Variants in ATXN7L2 observed in about 807,000 individuals in gnomAD.
ATXN7L2 encodes the protein ataxin-7-like protein 2.
ATXN7L2 carries 17 observed loss-of-function variants against 59.6 expected under a neutral mutation model. The ratio of observed to expected loss-of-function variants is 0.29; its 90% CI spans 0.20 to 0.43. The LOEUF (loss-of-function observed/expected upper bound fraction) is 0.43. Among genes scored for constraint, ATXN7L2 ranks in the 20% least tolerant of loss-of-function variants. The probability of loss-of-function intolerance (pLI) is 1.00; values close to 1 mark genes in which losing one functional copy is unlikely to be tolerated. For missense variants in ATXN7L2, 858 were observed against 1,008.9 expected, an observed-to-expected ratio of 0.85 and a Z score of 2.03; for synonymous variants, 378 against 392.5, an observed-to-expected ratio of 0.96 and a Z score of 0.44.
intron 1 of ATXN7L2, among the ~76,000 whole-genome samples, 200 bp downstream of exon 1, chr1:109,484,280 C>G (rs543141158): frequency 1.7e-4 from 26 of 152,174 alleles, no homozygotes; most frequent in Non-Finnish European, 3.7e-4. Context: ...GCTCACCGCT[C>G]GCAGCCCACC....
chr1:109,488,396 C>T lies in ATXN7L2; in HGVS notation c.810C>T (p.Asp270=), dbSNP rs761132662. The part of the protein sequence containing the change: ...THRKMARKEC[D]LNRQCGVINP... ...CTTTCCCCACAGGGAAGGAGTGCGA[C>T]CTCAACAGGCAGTGTGGGGTAATAA... The change falls in exon 6 of 11, where the codon GAC becomes GAT. Residue 270 remains aspartate (D), a synonymous_variant. Transcript: ENST00000683729. This position sits in a 1 kb window ranked among gnomAD's most constrained non-coding sequence, Gnocchi z 5.0. 2.5e-6 allele frequency: 4 copies of T among 1,600,530 alleles called. No homozygotes were observed. In the Admixed American group the frequency reaches 6.8e-5, roughly 27 times the overall value.
intron 9 of ATXN7L2, 71 bp downstream of exon 9, chr1:109,490,463 A>T: frequency 1.3e-6 from 2 of 1,567,130 alleles, no homozygotes; most frequent in East Asian, 2.2e-5. Context: ...CTTGGGCTTC[A>T]GAAGCCCTGA....
At position 109,486,782 on chromosome 1, in the gene ATXN7L2, A is replaced by T. The variant is rs1190692372; in HGVS notation, c.298+172A>T. Among the ~76,000 whole-genome samples, 2 of 152,180 alleles carry T rather than the reference A, an allele frequency of 1.3e-5. No individual in the cohort carries two copies. Among genetic ancestry groups the T allele is most frequent in the Non-Finnish European group, 2.9e-5 (2 of 68,042 alleles). On this transcript the variant is annotated intron_variant, in intron 3 of 10. Transcript: ENST00000683729. The surrounding 1 kb of genome is among the most constrained non-coding windows in gnomAD (Gnocchi z 4.3). Reference sequence around the variant, plus strand: ...GGGGAGTCGGGTTATTGTTTGAACAAAATTCTAGCATCCAGTGGAATTACG... The same window carrying T: ...GGGGAGTCGGGTTATTGTTTGAACATAATTCTAGCATCCAGTGGAATTACG...
chr1:109,485,282 TG>T, intron 1 of ATXN7L2: 1 of 883,684 alleles, frequency 1.1e-6, no homozygotes, highest in Non-Finnish European at 1.3e-6. Context: ...GGTAGGGGGA[TG>T]GGGAAAAAGC....
Position 109,483,905 on chromosome 1 carries a change from G to A in ATXN7L2, c.-49G>A, listed in dbSNP as rs1656364189. On this transcript the variant is annotated 5_prime_UTR_variant, in exon 1 of 11. Transcript: ENST00000683729. The stretch of plus-strand genomic sequence containing the variant: ...CGTGCCCGCGACGGGGCGAGGGGGA[G>A]GGGGCCGCGCGGCGGCGGCGCCAGG... The A allele has an allele frequency of 8.7e-7, 1 of 1,155,138 alleles. No homozygotes were observed. The highest frequency in any genetic ancestry group is 1.1e-6 in the Non-Finnish European group (1 of 938,720). The allele number at this position is 1,155,138 out of a possible 1,614,324, so 71.6% of individuals were successfully genotyped here. A position where few individuals can be genotyped will look rare whatever the true frequency, so the allele number is the denominator to read the frequency against.
chr1:109,492,762 T>A, downstream of ATXN7L2: 1 of 812,726 alleles, frequency 1.2e-6, no homozygotes, highest in Non-Finnish European at 1.9e-6. Flanking sequence ...GTTGCTGCTA[T>A]GAAAATATAA....
chr1:109,490,962 A>C lies in ATXN7L2; in HGVS notation c.1495A>C (p.Asn499His). 6.3e-7 allele frequency: 1 copy of C among 1,582,048 alleles called. No individual in the cohort carries two copies. Among genetic ancestry groups the C allele is most frequent in the African/African-American group, 1.4e-5 (1 of 73,816 alleles). ...AGCTGAACCTCCAGCTCACCTTGTC[A>C]ACTCCCCGTTATCTGCTCCCCTGAG... ...PAAEPPAHLV[N>H]SPLSAPLSPS... The change falls in exon 10 of 11, where the codon AAC becomes CAC. Residue 499 changes from asparagine to histidine, a missense_variant. Asn to His is a moderately conservative substitution (Grantham distance 68). Transcript: ENST00000683729.
At position 109,488,415 on chromosome 1, in the gene ATXN7L2, G is replaced by A. The variant is rs765299259; in HGVS notation, c.829G>A (p.Val277Ile). 2 of 1,604,548 alleles carry A rather than the reference G, an allele frequency of 1.2e-6. No individual in the cohort carries two copies. The highest frequency in any genetic ancestry group is 1.7e-6 in the Non-Finnish European group (2 of 1,173,770). Reference protein sequence around the residue: ...KECDLNRQCGVINPETKKICT... With the variant: ...KECDLNRQCGIINPETKKICT... ...GTGCGACCTCAACAGGCAGTGTGGG[G>A]TAATAAATCCAGAGACCAAAAAGAT... The change falls in exon 6 of 11, where the codon GTA becomes ATA. Residue 277 changes from valine to isoleucine, a missense_variant. Val to Ile is a conservative substitution (Grantham distance 29). Around this residue, in one of 3 missense-constraint regions of ATXN7L2, gnomAD observed 734 missense variants for 862.3 expected, o/e 0.85. Transcript: ENST00000683729. This position sits in a 1 kb window ranked among gnomAD's most constrained non-coding sequence, Gnocchi z 5.0.
chr1:109,492,282 G>T (rs751482252), intron 10 of ATXN7L2, among the ~76,000 whole-genome samples: 1 of 152,188 alleles, frequency 6.6e-6, no homozygotes, highest in Non-Finnish European at 1.5e-5. Flanking sequence ...TCTGGTGGGA[G>T]CCCTGGTGTA....
chr1:109,487,499 C>T lies in ATXN7L2; in HGVS notation c.510-19C>T. ...CCTCCCCTCCCCTCCCTCAGCCAAC[C>T]CCCTCTCTCTGTGTGTAGCCTTTTC... On this transcript the variant is annotated intron_variant, in intron 4 of 10. Transcript: ENST00000683729. The T allele has an allele frequency of 1.3e-6, 2 of 1,482,962 alleles. No individual in the cohort carries two copies. Among genetic ancestry groups the T allele is most frequent in the South Asian group, 2.9e-5 (2 of 69,414 alleles). The allele number at this position is 1,482,962 out of a possible 1,614,324, so 91.9% of individuals were successfully genotyped here.
chr1:109,487,543 GAGA>G lies in ATXN7L2; in HGVS notation c.539_541del (p.Lys180del), dbSNP rs1571082522. 6.6e-7 allele frequency: 1 copy of G among 1,507,564 alleles called. No individual in the cohort carries two copies. The highest frequency in any genetic ancestry group is 8.8e-7 in the Non-Finnish European group (1 of 1,130,026). 93.4% of individuals were successfully genotyped at this position (1,507,564 alleles called of 1,614,324 possible). On this transcript the variant is annotated inframe_deletion, in exon 5 of 11. Transcript: ENST00000683729. ...CCTTTTCGTGCCTGTGGTGAATCTG[GAGA>G]AGATGTCCAGTCTCCCGAAGCCTGA...
Position 109,491,298 on chromosome 1 carries a change from A to G in ATXN7L2, c.1831A>G (p.Thr611Ala), listed in dbSNP as rs1557873965. The G allele has an allele frequency of 1.9e-6, 3 of 1,614,124 alleles. No homozygotes were observed. The highest frequency in any genetic ancestry group is 1.7e-5 in the Admixed American group (1 of 60,016). Reference sequence around the variant, plus strand: ...AAAGCGGAAGTTATCCCCTGGCCCTACCACTCTTAAACGGACCTGCATCCT... The same window carrying G: ...AAAGCGGAAGTTATCCCCTGGCCCTGCCACTCTTAAACGGACCTGCATCCT... ...SRKRKLSPGP[T>A]TLKRTCILEP... The change falls in exon 10 of 11, where the codon ACC becomes GCC. Residue 611 changes from threonine to alanine, a missense_variant. Thr to Ala is a moderately conservative substitution (Grantham distance 58, BLOSUM62 0). Around this residue, in one of 3 missense-constraint regions of ATXN7L2, gnomAD observed 734 missense variants for 862.3 expected, o/e 0.85. Transcript: ENST00000683729. This position sits in a 1 kb window ranked among gnomAD's most constrained non-coding sequence, Gnocchi z 4.1.
chr1:109,492,143 C>A, intron 10 of ATXN7L2: 2 of 1,047,592 alleles, frequency 1.9e-6, no homozygotes, highest in Non-Finnish European at 2.3e-6. Flanking sequence ...CTCTGGGCAT[C>A]AGGGCCTTGA....
chr1:109,486,108 C>T lies in ATXN7L2; in HGVS notation c.179C>T (p.Thr60Ile). 6.3e-7 allele frequency: 1 copy of T among 1,598,264 alleles called. No homozygotes were observed. The highest frequency in any genetic ancestry group is 8.5e-7 in the Non-Finnish European group (1 of 1,173,914). The stretch of plus-strand genomic sequence containing the variant: ...AACACGAAGAAGTTGGATGCCATGA[C>T]CCTCATTAAAGAAGGTGGGAGTCGA... ...SKNTKKLDAM[T>I]LIKEDMSIFG... is the part of the protein sequence containing the mutation. Residue 60 changes from threonine to isoleucine, a missense_variant, in exon 2 of 11, where the codon ACC (threonine) becomes ATC (isoleucine). Thr to Ile is a moderately conservative substitution (Grantham distance 89). This residue lies in a region of ATXN7L2 where 29 missense variants were observed against 64.0 expected (regional missense o/e 0.45). Coordinates refer to ENST00000683729, the MANE Select transcript of ATXN7L2 (RefSeq NM_001350175.2). The surrounding 1 kb of genome is among the most constrained non-coding windows in gnomAD (Gnocchi z 4.3).
Position 109,491,030 on chromosome 1 carries a change from C to T in ATXN7L2, c.1563C>T (p.Thr521=), listed in dbSNP as rs139880868. The change falls in exon 10 of 11, where the codon ACC becomes ACT. Residue 521 remains threonine, a synonymous_variant. Coordinates refer to ENST00000683729, the MANE Select transcript of ATXN7L2 (RefSeq NM_001350175.2). This position sits in a 1 kb window ranked among gnomAD's most constrained non-coding sequence, Gnocchi z 4.1. Reference sequence around the variant, plus strand: ...CCTGCCCCCGCCTTCCAGGTCCAACCCTGAGACCTGCCTGCCCAGCCTCCA... The same window carrying T: ...CCTGCCCCCGCCTTCCAGGTCCAACTCTGAGACCTGCCTGCCCAGCCTCCA... ...TGTCPRLPGP[T]LRPACPASMP... is the part of the protein sequence containing the mutation. 6.2e-7 allele frequency: 1 copy of T among 1,613,754 alleles called. No homozygotes were observed. Among genetic ancestry groups the T allele is most frequent in the African/African-American group, 1.3e-5 (1 of 75,052 alleles).
chr1:109,486,282 G>T lies in ATXN7L2; in HGVS notation c.193+160G>T, dbSNP rs1656577388. 1 of 1,194,142 alleles carries T rather than the reference G, an allele frequency of 8.4e-7. No individual in the cohort carries two copies. The highest frequency in any genetic ancestry group is 3.0e-5 in the Admixed American group (1 of 32,832). 74.0% of individuals were successfully genotyped at this position (1,194,142 alleles called of 1,614,324 possible). On this transcript the variant is annotated intron_variant, in intron 2 of 10. Coordinates refer to ENST00000683729, the MANE Select transcript of ATXN7L2 (RefSeq NM_001350175.2). This position sits in a 1 kb window ranked among gnomAD's most constrained non-coding sequence, Gnocchi z 4.3. ...CCGGTTGTTCTGGCTCCTGTGACCTGTCGTTGGAGATCATAATCATAGGTG... is the reference window on the plus strand; with the variant it reads ...CCGGTTGTTCTGGCTCCTGTGACCTTTCGTTGGAGATCATAATCATAGGTG...
chr1:109,484,097 TA>T lies in ATXN7L2; in HGVS notation c.127+20del. ...CGGCTGACGGTGAGTAAAGCCACCC[TA>T]AAGTCCGGGGACCCCATCACTATCT... On this transcript the variant is annotated intron_variant, in intron 1 of 10. Coordinates refer to ENST00000683729, the MANE Select transcript of ATXN7L2 (RefSeq NM_001350175.2). 6.7e-7 allele frequency: 1 copy of T among 1,500,884 alleles called. No homozygotes were observed. 93.0% of individuals were successfully genotyped at this position (1,500,884 alleles called of 1,614,324 possible).
chr1:109,492,763 G>A, downstream of ATXN7L2: 1 of 802,254 alleles, frequency 1.2e-6, no homozygotes, highest in Non-Finnish European at 1.9e-6. Flanking sequence ...TTGCTGCTAT[G>A]AAAATATAAA....
At position 109,488,310 on chromosome 1, in the gene ATXN7L2, C is replaced by A; in HGVS notation, c.797-73C>A. 7.1e-7 allele frequency: 1 copy of A among 1,414,872 alleles called. No homozygotes were observed. The highest frequency in any genetic ancestry group is 9.8e-7 in the Non-Finnish European group (1 of 1,021,840). The allele number at this position is 1,414,872 out of a possible 1,614,324, so 87.6% of individuals were successfully genotyped here. ...TTAGTACCAGTTCTCAGGCCCTTGG[C>A]AGGAAGCGGCCAAATCCTCCTGTAA... is the stretch of plus-strand genomic sequence containing the variant. On this transcript the variant is annotated intron_variant, in intron 5 of 10. Coordinates refer to ENST00000683729, the MANE Select transcript of ATXN7L2 (RefSeq NM_001350175.2). This position sits in a 1 kb window ranked among gnomAD's most constrained non-coding sequence, Gnocchi z 5.0.
Sources: allele counts gnomAD v4.1 joint callset (sites outside exome capture counted in the v4.1 genomes callset), GRCh38; gene constraint gnomAD v4.1.1; regional missense constraint gnomAD v4.1.1; non-coding constraint Gnocchi (gnomAD v3.1); transcripts MANE v1.5; gene names NCBI Gene and HGNC (gene_info 2026-07-23, HGNC 2026-07-21).